The following ANKEF1 variants were observed in gnomAD, a reference collection of about 807,000 sequenced individuals.
ANKEF1 encodes the protein ankyrin repeat and EF-hand domain containing 1.
ANKEF1 carries 43 observed loss-of-function variants against 65.1 expected under a neutral mutation model. That is an observed-to-expected ratio of 0.66 (90% CI 0.52 to 0.85). The LOEUF (loss-of-function observed/expected upper bound fraction) is 0.85. Ranked by LOEUF, ANKEF1 falls within the 40% of genes least tolerant of loss-of-function variation. The probability of loss-of-function intolerance (pLI) is 0.00; values close to 1 mark genes in which losing one functional copy is unlikely to be tolerated. For synonymous variants in ANKEF1, 316 were observed against 341.5 expected (o/e 0.93, Z 0.82); for missense variants, 934 against 952.9 (o/e 0.98, Z 0.26).
At position 10,045,234 on chromosome 20, in the gene ANKEF1, A is replaced by G. The variant is rs79509244; in HGVS notation, c.697-340A>G. On this transcript the variant is annotated intron_variant, in intron 5 of 10. Coordinates refer to ENST00000378392, the MANE Select transcript of ANKEF1 (RefSeq NM_022096.6). ...TCTGATGCTTTCTTAAATTACCTAC[A>G]CTAACAAAAATGGTAGTGCCCCCTC... is the stretch of plus-strand genomic sequence containing the variant. Among the ~76,000 whole-genome samples the G allele has an allele frequency of 8.7e-3, 1,324 of 152,250 alleles. 11 individuals are homozygous for G. Among genetic ancestry groups the G allele is most frequent in the Non-Finnish European group, 0.013 (869 of 68,016 alleles).
At chr20:10,037,940 A>G (rs1026501605) in intron 2 of ANKEF1, among the ~76,000 whole-genome samples, 6 of 152,204 alleles carry the variant, frequency 3.9e-5, no homozygotes, top group African/African-American at 1.4e-4. Context: ...GATGGTGGGA[A>G]CTCAAACCCT....
chr20:10,043,392 TATGATGAC>T, intron 4 of ANKEF1, 71 bp downstream of exon 4: 4 of 1,412,438 alleles, frequency 2.8e-6, no homozygotes, highest in South Asian at 1.2e-5. Context: ...TTCATTTAAA[TATGATGAC>T]ATTATCCTGT....
chr20:10,040,216 G>C (rs1984101164), intron 3 of ANKEF1, among the ~76,000 whole-genome samples: 1 of 152,236 alleles, frequency 6.6e-6, no homozygotes, highest in Non-Finnish European at 1.5e-5. Flanking sequence ...ATTGTACAGA[G>C]TACATTGTCT....
In ANKEF1 at chr20:10,043,330, A is replaced by G; in HGVS notation, c.546+9A>G. The stretch of plus-strand genomic sequence containing the variant: ...CTAATGCAATCAACTCAGTATGGCT[A>G]TTCTTGTGATTACAAATATTTCTTG... On this transcript the variant is annotated intron_variant, in intron 4 of 10. Transcript: ENST00000378392. 6.2e-7 allele frequency: 1 copy of G among 1,610,786 alleles called. No individual in the cohort carries two copies. The highest frequency in any genetic ancestry group is 8.5e-7 in the Non-Finnish European group (1 of 1,177,664).
intron 3 of ANKEF1, 81 bp downstream of exon 3, chr20:10,038,728 C>A (rs1984012115): frequency 8.8e-7 from 1 of 1,130,306 alleles, no homozygotes; most frequent in Non-Finnish European, 1.2e-6. Context: ...TTTTTGTTTT[C>A]CAACTTTAGA....
At position 10,052,878 on chromosome 20, in the gene ANKEF1, T is replaced by G. The variant is rs1174443479; in HGVS notation, c.1871-234T>G. ...TTAAGAAACATAGTAAAAAAAAAACTAAGGAAAAGTAATTTTCTGTATTTA... is the reference window on the plus strand; with the variant it reads ...TTAAGAAACATAGTAAAAAAAAAACGAAGGAAAAGTAATTTTCTGTATTTA... On this transcript the variant is annotated intron_variant, in intron 8 of 10. Coordinates refer to ENST00000378392, the MANE Select transcript of ANKEF1 (RefSeq NM_022096.6). Among the ~76,000 whole-genome samples the G allele has an allele frequency of 2.6e-5, 4 of 151,888 alleles. No homozygotes were observed. The East Asian group carries it at 7.7e-4, about 29-fold the overall frequency.
chr20:10,038,766 A>G, intron 3 of ANKEF1, 119 bp downstream of exon 3: 1 of 793,784 alleles, frequency 1.3e-6, no homozygotes, highest in Non-Finnish European at 2.0e-6. Flanking sequence ...TTTAAGGGAA[A>G]GGCTAAATTC....
intron 6 of ANKEF1, 59 bp from the exon 7 acceptor site, chr20:10,049,331 A>T: frequency 6.9e-7 from 1 of 1,449,500 alleles, no homozygotes; most frequent in Non-Finnish European, 9.4e-7. Context: ...GATGAGTGTC[A>T]CTTATAGCCA....
chr20:10,048,218 A>C (rs1984630595), intron 6 of ANKEF1, among the ~76,000 whole-genome samples: 1 of 137,618 alleles, frequency 7.3e-6, no homozygotes, highest in African/African-American at 2.8e-5. Flanking sequence ...TTAGTATAAA[A>C]ATGTGTGTGT....
chr20:10,035,473 G>A (rs970303584), intron 1 of ANKEF1, 106 bp from the exon 2 acceptor site: 1 of 152,224 alleles, frequency 6.6e-6, no homozygotes, highest in African/African-American at 2.4e-5. Flanking sequence ...TTACACTTGT[G>A]GGTGAGCTGA....
intron 6 of ANKEF1, among the ~76,000 whole-genome samples, chr20:10,047,397 C>T (rs1371265463): frequency 1.3e-5 from 2 of 152,220 alleles, no homozygotes; most frequent in African/African-American, 2.4e-5. Flanking sequence ...TTGTCAGTTA[C>T]ATTTCTACCT....
intron 3 of ANKEF1, among the ~76,000 whole-genome samples, chr20:10,040,046 ATACT>A (rs1268348153): frequency 6.6e-6 from 1 of 152,252 alleles, no homozygotes; most frequent in Non-Finnish European, 1.5e-5. Context: ...GGTCAAGTAA[ATACT>A]TGCAGCAAAT....
In ANKEF1 at chr20:10,049,404, T is replaced by G; in HGVS notation, c.835T>G (p.Trp279Gly). ...TTATGTTTTAGGATGTGACCTGAAA[T>G]GGAAGAATTTAGATCATAAAACGCC... ...YIAQRGCDLK[W>G]KNLDHKTPRA... The change falls in exon 7 of 11, where the codon TGG (tryptophan) becomes GGG (glycine). Residue 279 changes from tryptophan to glycine, a missense_variant. Trp to Gly is a radical substitution (Grantham distance 184). Coordinates refer to ENST00000378392, the MANE Select transcript of ANKEF1 (RefSeq NM_022096.6). The G allele has an allele frequency of 1.2e-6, 2 of 1,610,248 alleles. No individual in the cohort carries two copies. The highest frequency in any genetic ancestry group is 1.7e-6 in the Non-Finnish European group (2 of 1,178,796).
chr20:10,053,649 A>T (rs538662834), intron 9 of ANKEF1, among the ~76,000 whole-genome samples: 1 of 152,282 alleles, frequency 6.6e-6, no homozygotes, highest in African/African-American at 2.4e-5. Context: ...GGAGTGAAGT[A>T]AAGCATGATT....
rs1985186832 is a variant in ANKEF1 at position 10,056,615 on chromosome 20, A to C, written c.*955A>C. The C allele has an allele frequency of 6.6e-6, 1 of 152,084 alleles. No individual in the cohort carries two copies. The highest frequency in any genetic ancestry group is 1.5e-5 in the Non-Finnish European group (1 of 68,022). 9.4% of individuals were successfully genotyped at this position (152,084 alleles called of 1,614,324 possible). ...TGCTAAATTTGTAGGGTAGGCTATC[A>C]GGAAGTGCAGGCTGGAAACATGCAG... is the stretch of plus-strand genomic sequence containing the variant. On this transcript the variant is annotated 3_prime_UTR_variant, in exon 11 of 11. Transcript: ENST00000378392.
At chr20:10,043,813 C>T (rs898745873) in intron 4 of ANKEF1, among the ~76,000 whole-genome samples, 2 of 151,798 alleles carry the variant, frequency 1.3e-5, no homozygotes, top group African/African-American at 4.8e-5. Flanking sequence ...TGCATGCCAC[C>T]ATGCCCCGCT....
At position 10,038,287 on chromosome 20, in the gene ANKEF1, A is replaced by G; in HGVS notation, c.-15A>G. The G allele has an allele frequency of 1.4e-6, 2 of 1,425,492 alleles. No homozygotes were observed. Among genetic ancestry groups the G allele is most frequent in the South Asian group, 1.9e-5 (1 of 53,846 alleles). The allele number at this position is 1,425,492 out of a possible 1,614,324, so 88.3% of individuals were successfully genotyped here. On this transcript the variant is annotated 5_prime_UTR_variant, in exon 3 of 11. Coordinates refer to ENST00000378392, the MANE Select transcript of ANKEF1 (RefSeq NM_022096.6). Reference sequence around the variant, plus strand: ...AGTTTTGGTCCAGAAAGCATTTTCAAGGAGCTGGTCAAGCATGGCTTTAGC... The same window carrying G: ...AGTTTTGGTCCAGAAAGCATTTTCAGGGAGCTGGTCAAGCATGGCTTTAGC...
rs1983970516 is a variant in ANKEF1 at position 10,038,246 on chromosome 20, T to C, written c.-44-12T>C. On this transcript the variant is annotated splice_polypyrimidine_tract_variant and intron_variant, in intron 2 of 10. Coordinates refer to ENST00000378392, the MANE Select transcript of ANKEF1 (RefSeq NM_022096.6). The stretch of plus-strand genomic sequence containing the variant: ...ATTAACTTTGAGTTATTTTTCTTTT[T>C]TGTTGCTTCAGCTTTAGTTTTGGTC... The C allele has an allele frequency of 2.5e-6, 3 of 1,190,692 alleles. No individual in the cohort carries two copies. Among genetic ancestry groups the C allele is most frequent in the Admixed American group, 5.5e-5 (2 of 36,154 alleles). The allele number at this position is 1,190,692 out of a possible 1,614,324, so 73.8% of individuals were successfully genotyped here. A position where few individuals can be genotyped will look rare whatever the true frequency, so the allele number is the denominator to read the frequency against.
chr20:10,040,952 A>G (rs1349161815), intron 3 of ANKEF1, among the ~76,000 whole-genome samples: 2 of 146,780 alleles, frequency 1.4e-5, no homozygotes, highest in South Asian at 2.1e-4. Flanking sequence ...AACCTTGACA[A>G]TCTTTTCTTT....
Sources: gnomAD v4.1 joint callset for allele counts (sites outside exome capture counted in the v4.1 genomes callset) on GRCh38, gnomAD v4.1.1 for gene constraint, MANE v1.5 for transcripts, NCBI Gene and HGNC (gene_info 2026-07-23, HGNC 2026-07-21) for gene names.